The following PCSK5 variants were observed in gnomAD, a reference collection of about 807,000 sequenced individuals.
PCSK5 encodes prohormone convertase 5.
Under a neutral mutation model 233.2 loss-of-function variants are expected in PCSK5, and 129 were observed. That is an observed-to-expected ratio of 0.55 (90% CI 0.48 to 0.64). PCSK5 has a LOEUF of 0.64. PCSK5 is among the 30% of genes least tolerant of loss of function. The pLI is 0.00. For synonymous variants in PCSK5, 825 were observed against 879.2 expected, an observed-to-expected ratio of 0.94 and a Z score of 1.09; for missense variants, 2,076 against 2,430.1, an observed-to-expected ratio of 0.85 and a Z score of 3.06.
intron 10 of PCSK5, among the ~76,000 whole-genome samples, chr9:76,140,137 T>G (rs1198464864): frequency 6.6e-6 from 1 of 152,134 alleles, no homozygotes; most frequent in African/African-American, 2.4e-5. Flanking sequence ...CCCTGTAAGT[T>G]TTAAATGCAT....
At chr9:75,998,514 A>C (rs546354331) in intron 3 of PCSK5, among the ~76,000 whole-genome samples, 1 of 152,352 alleles carries the variant, frequency 6.6e-6, no homozygotes, top group East Asian at 1.9e-4. Flanking sequence ...GTAAGTTTTC[A>C]AAAACTAGAA....
In PCSK5 at chr9:76,342,271, G is replaced by T. The variant is rs543205606; in HGVS notation, c.4966+3824G>T. Among the ~76,000 whole-genome samples the T allele has an allele frequency of 7.9e-4, 120 of 152,112 alleles. No individual in the cohort carries two copies. The Middle Eastern group carries it at 0.017, about 22-fold the overall frequency. Reference sequence around the variant, plus strand: ...GAAGAGGATTGTACCCTAAATTATTGCCCAGCCTCACTCTACTAATCCAAA... The same window carrying T: ...GAAGAGGATTGTACCCTAAATTATTTCCCAGCCTCACTCTACTAATCCAAA... On this transcript the variant is annotated intron_variant, in intron 35 of 37. Transcript: ENST00000674117.
chr9:76,308,025 C>T (rs1413805865), intron 28 of PCSK5, among the ~76,000 whole-genome samples: 16 of 151,978 alleles, frequency 1.1e-4, no homozygotes, highest in East Asian at 3.9e-4. Context: ...GGCAAAACCC[C>T]GTCTCTACTA....
intron 2 of PCSK5, among the ~76,000 whole-genome samples, chr9:75,948,056 A>T (rs1157551193): frequency 6.6e-6 from 1 of 151,926 alleles, no homozygotes; most frequent in African/African-American, 2.4e-5. Flanking sequence ...TAGGTTGGCT[A>T]GGCTGGTCTC....
intron 22 of PCSK5, among the ~76,000 whole-genome samples, chr9:76,237,996 G>A (rs1035304396): frequency 6.6e-5 from 10 of 152,148 alleles, no homozygotes; most frequent in African/African-American, 2.4e-4. Context: ...GAAGGTCAAT[G>A]ATTCTGGATC....
At chr9:75,917,075 A>G (rs901847601) in intron 1 of PCSK5, among the ~76,000 whole-genome samples, 11 of 150,800 alleles carry the variant, frequency 7.3e-5, no homozygotes, top group African/African-American at 2.4e-4. Flanking sequence ...GGGCTGAGGC[A>G]GGAGAATCAC....
At chr9:76,031,786 A>G (rs990232442) in intron 5 of PCSK5, among the ~76,000 whole-genome samples, 2 of 152,218 alleles carry the variant, frequency 1.3e-5, no homozygotes, top group Non-Finnish European at 2.9e-5. Flanking sequence ...TACAGTTGTT[A>G]TTATTATAAT....
At chr9:76,353,033 TA>T (rs1018356601) in intron 36 of PCSK5, among the ~76,000 whole-genome samples, 2 of 151,748 alleles carry the variant, frequency 1.3e-5, no homozygotes, top group African/African-American at 4.8e-5. Flanking sequence ...AAAAAAAAAT[TA>T]TATGAGTGCT....
At chr9:75,950,142 T>TGGGGGGGGGGGGG (rs1563932278) in intron 2 of PCSK5, among the ~76,000 whole-genome samples, 1 of 98,344 alleles carries the variant, frequency 1.0e-5, no homozygotes, top group African/African-American at 3.6e-5. Flanking sequence ...TGTGTGTGTG[T>TGGGGGGGGGGGGG]GTGGGGGGGG....
At chr9:76,138,781 C>A (rs1223247980) in intron 10 of PCSK5, among the ~76,000 whole-genome samples, 1 of 152,000 alleles carries the variant, frequency 6.6e-6, no homozygotes, top group Non-Finnish European at 1.5e-5. Flanking sequence ...CTTCTGTCAT[C>A]TTTACTAGGC....
At chr9:76,194,137 G>A (rs1824568023) in intron 20 of PCSK5, 1 of 152,412 alleles carries the variant, frequency 6.6e-6, no homozygotes, top group African/African-American at 2.4e-5. Context: ...ACAGAATGCA[G>A]AGGTACATAG....
chr9:75,891,816 C>G (rs551788659), intron 1 of PCSK5, among the ~76,000 whole-genome samples: 1 of 152,056 alleles, frequency 6.6e-6, no homozygotes, highest in Admixed American at 6.5e-5. Context: ...GAAGGGAAAG[C>G]CTTTCCTGCT....
chr9:75,988,265 A>G (rs1228067702), intron 3 of PCSK5, among the ~76,000 whole-genome samples: 1 of 151,876 alleles, frequency 6.6e-6, no homozygotes. Context: ...CTAATACTTT[A>G]TGAGGTTTTT....
chr9:76,001,511 C>T (rs1223717225), intron 3 of PCSK5, among the ~76,000 whole-genome samples: 2 of 93,442 alleles, frequency 2.1e-5, no homozygotes, highest in African/African-American at 4.1e-5. Flanking sequence ...TTAGTTTATG[C>T]TCTCTCTACT....
At chr9:75,903,598 TTA>T (rs200557764) in intron 1 of PCSK5, among the ~76,000 whole-genome samples, 4,186 of 141,454 alleles carry the variant, frequency 0.03, 196 homozygotes, top group African/African-American at 0.08. Flanking sequence ...AAAATATATA[TTA>T]TATATATATA....
rs562916235 is a variant in PCSK5 at position 76,015,972 on chromosome 9, T to C, written c.412-7766T>C. On this transcript the variant is annotated intron_variant, in intron 3 of 37. Coordinates refer to ENST00000674117, the MANE Select transcript of PCSK5 (RefSeq NM_001372043.1). The stretch of plus-strand genomic sequence containing the variant: ...TCCTTTAACACTCCAGTCTCTATGA[T>C]TATTTGACACTTTTACCAAGATGGA... 3.5e-4 allele frequency among the ~76,000 whole-genome samples: 53 copies of C among 152,342 alleles called. No homozygotes were observed. In the South Asian group the frequency reaches 0.011, roughly 31 times the overall value.
intron 7 of PCSK5, among the ~76,000 whole-genome samples, chr9:76,083,204 CAAAAAAAA>C (rs11324176): frequency 4.9e-4 from 37 of 75,460 alleles, no homozygotes; most frequent in African/African-American, 1.5e-3. Context: ...AGCGAGATCT[CAAAAAAAA>C]AAAAAAAAAA....
chr9:76,064,771 T>A (rs1156655375), intron 5 of PCSK5, among the ~76,000 whole-genome samples: 12 of 139,746 alleles, frequency 8.6e-5, no homozygotes, highest in Non-Finnish European at 3.1e-5. Context: ...ACATCCCAGA[T>A]GGGGCGGCGG....
intron 24 of PCSK5, among the ~76,000 whole-genome samples, chr9:76,261,366 G>A (rs906014259): frequency 2.6e-5 from 4 of 152,122 alleles, no homozygotes; most frequent in African/African-American, 9.7e-5. Context: ...TCTATACCTA[G>A]AAAACCCTAA....
Sources: allele counts gnomAD v4.1 joint callset (sites outside exome capture counted in the v4.1 genomes callset), GRCh38; gene constraint gnomAD v4.1.1; transcripts MANE v1.5; gene names NCBI Gene and HGNC (gene_info 2026-07-23, HGNC 2026-07-21).